The following LY86 variants were observed in gnomAD, a reference collection of about 807,000 sequenced individuals.
LY86 encodes lymphocyte antigen 86.
In LY86, 20 loss-of-function variants were observed where a neutral mutation model predicts 17.3. The ratio of observed to expected loss-of-function variants is 1.15; its 90% confidence interval spans 0.81 to 1.68. The LOEUF (loss-of-function observed/expected upper bound fraction) is 1.68. LY86 is among the 40% of genes most tolerant of loss of function. LY86 has a pLI of 0.00. For missense variants in LY86, 200 were observed against 191.9 expected (o/e 1.04, Z -0.25); for synonymous variants, 74 against 70.6 (o/e 1.05, Z -0.24).
intron 4 of LY86, among the ~76,000 whole-genome samples, chr6:6,652,005 G>A (rs774877404): frequency 5.5e-5 from 7 of 128,092 alleles, no homozygotes; most frequent in South Asian, 2.6e-4. Context: ...GCAGTGAGCC[G>A]AGATCACACC....
Position 6,626,156 on chromosome 6 carries a change from G to A in LY86, c.224-137G>A. ...CCTAAATGCTGTTTTACCAAGGAAA[G>A]AAGAAAACTGTTCCCCACACAGAGA... On this transcript the variant is annotated intron_variant, in intron 2 of 4. Coordinates refer to ENST00000230568, the MANE Select transcript of LY86 (RefSeq NM_004271.4). The A allele has an allele frequency of 6.2e-6, 5 of 803,062 alleles. 1 individual carries two copies. The highest frequency in any genetic ancestry group is 5.6e-5 in the South Asian group (3 of 53,354). The allele number at this position is 803,062 out of a possible 1,614,324, so 49.7% of individuals were successfully genotyped here.
chr6:6,653,182 AT>A (rs1762213129), intron 4 of LY86, among the ~76,000 whole-genome samples: 1 of 152,120 alleles, frequency 6.6e-6, no homozygotes, highest in Non-Finnish European at 1.5e-5. Context: ...CTTGAATACA[AT>A]TTCAGTGTTG....
chr6:6,637,042 G>A (rs1281862606), intron 3 of LY86, among the ~76,000 whole-genome samples: 5 of 133,832 alleles, frequency 3.7e-5, no homozygotes, highest in Non-Finnish European at 3.1e-5. Context: ...AAGGAGTCTC[G>A]CTCTGTCGCC....
chr6:6,597,177 G>GGGGAGT (rs1273276981), intron 1 of LY86, among the ~76,000 whole-genome samples: 1 of 152,204 alleles, frequency 6.6e-6, no homozygotes, highest in African/African-American at 2.4e-5. Flanking sequence ...CCCGCAGGAG[G>GGGGAGT]GGGAGTGTGA....
intron 1 of LY86, among the ~76,000 whole-genome samples, chr6:6,612,600 T>G (rs78117467): frequency 0.044 from 4,688 of 105,740 alleles, 225 homozygotes; most frequent in African/African-American, 0.15. Flanking sequence ...TTCTCTTATC[T>G]GGCCCCTCCC....
intron 1 of LY86, among the ~76,000 whole-genome samples, chr6:6,603,014 G>A (rs989439717): frequency 2.6e-5 from 4 of 152,094 alleles, no homozygotes; most frequent in Admixed American, 6.6e-5. Context: ...CCAGGGAGTC[G>A]GAGATCAAGG....
chr6:6,602,836 T>A (rs1760954490), intron 1 of LY86, among the ~76,000 whole-genome samples: 1 of 152,164 alleles, frequency 6.6e-6, no homozygotes, highest in Non-Finnish European at 1.5e-5. Context: ...ACAAGCTTAC[T>A]CCCACAGTCA....
chr6:6,603,632 A>AACACACACACACACACACAC (rs540840468), intron 1 of LY86, among the ~76,000 whole-genome samples: 27 of 135,866 alleles, frequency 2.0e-4, no homozygotes, highest in African/African-American at 6.9e-4. Context: ...AAAAAAACAA[A>AACACACACACACACACACAC]ACACACACAC....
intron 1 of LY86, among the ~76,000 whole-genome samples, chr6:6,596,412 G>GAAA (rs71542805): frequency 3.3e-5 from 5 of 151,674 alleles, no homozygotes; most frequent in African/African-American, 1.2e-4. Context: ...AAAAAGAAAA[G>GAAA]AAAAACCTCA....
intron 1 of LY86, among the ~76,000 whole-genome samples, chr6:6,613,991 GT>G (rs1761481117): frequency 6.6e-6 from 1 of 152,226 alleles, no homozygotes; most frequent in Non-Finnish European, 1.5e-5. Context: ...TTTTCATACA[GT>G]TTATTCCTTA....
intron 1 of LY86, among the ~76,000 whole-genome samples, chr6:6,603,376 T>C (rs1760974655): frequency 7.4e-6 from 1 of 134,522 alleles, no homozygotes; most frequent in South Asian, 2.4e-4. Context: ...TCACAAAAAT[T>C]ACCCACACAT....
chr6:6,596,615 G>GT lies in LY86; in HGVS notation c.136+7746dup, dbSNP rs777999073. On this transcript the variant is annotated intron_variant, in intron 1 of 4. Transcript: ENST00000230568. ...AGGATTGAACAGCTAGCTGCCTTGA[G>GT]TAGGGCAAGGCCTTTTGGCCCAAAT... 1.4e-4 allele frequency among the ~76,000 whole-genome samples: 21 copies of GT among 152,352 alleles called. No individual in the cohort carries two copies. The East Asian group carries it at 2.7e-3, about 20-fold the overall frequency.
rs1760660288 is a variant in LY86, at chr6:6,595,186, G to C, written c.136+6316G>C. 2.7e-5 allele frequency among the ~76,000 whole-genome samples: 4 copies of C among 150,802 alleles called. No homozygotes were observed. The South Asian group carries it at 8.5e-4, about 32-fold the overall frequency. The stretch of plus-strand genomic sequence containing the variant: ...AAGAGCGGAAGGAGGAGGAAAAAGA[G>C]GAAAAGGAAGAGGGGGAGAAAGAAG... On this transcript the variant is annotated intron_variant, in intron 1 of 4. Transcript: ENST00000230568.
At chr6:6,615,625 G>T (rs1323382312) in intron 1 of LY86, among the ~76,000 whole-genome samples, 1 of 151,402 alleles carries the variant, frequency 6.6e-6, no homozygotes, top group East Asian at 1.9e-4. Flanking sequence ...GAGAGGCTGA[G>T]GCATGAGAAT....
chr6:6,612,288 T>C (rs1176687002), intron 1 of LY86, among the ~76,000 whole-genome samples: 1 of 152,192 alleles, frequency 6.6e-6, no homozygotes, highest in East Asian at 1.9e-4. Flanking sequence ...TTCTTTCTCG[T>C]GGGTTAGTGG....
At chr6:6,652,837 C>G (rs984005335) in intron 4 of LY86, among the ~76,000 whole-genome samples, 3 of 152,162 alleles carry the variant, frequency 2.0e-5, no homozygotes, top group Admixed American at 6.5e-5. Flanking sequence ...AATCTAGAAC[C>G]CCTTCCTTCA....
intron 1 of LY86, among the ~76,000 whole-genome samples, chr6:6,622,364 C>A (rs1193238663): frequency 6.6e-6 from 1 of 152,192 alleles, no homozygotes; most frequent in Non-Finnish European, 1.5e-5. Context: ...TGGATAGCAA[C>A]TTAAATTTAT....
At chr6:6,616,774 C>T (rs7739130) in intron 1 of LY86, among the ~76,000 whole-genome samples, 2,846 of 152,274 alleles carry the variant, frequency 0.019, 98 homozygotes, top group African/African-American at 0.065. Flanking sequence ...TCAGCATTTG[C>T]GGCATGTCAA....
chr6:6,637,253 A>C (rs769089053), intron 3 of LY86, among the ~76,000 whole-genome samples: 57 of 152,130 alleles, frequency 3.7e-4, no homozygotes, highest in Non-Finnish European at 6.8e-4. Context: ...CCTCGTGATC[A>C]GCCCACCTCG....
Sources: allele counts gnomAD v4.1 joint callset (sites outside exome capture counted in the v4.1 genomes callset), GRCh38; gene constraint gnomAD v4.1.1; transcripts MANE v1.5; gene names NCBI Gene and HGNC (gene_info 2026-07-23, HGNC 2026-07-21).